CUX2: variants seen among roughly 807,000 people sequenced by gnomAD.
CUX2 encodes the protein homeobox protein cut-like 2.
In CUX2, 40 loss-of-function variants were observed where a neutral mutation model predicts 144.8. The observed-to-expected ratio is 0.28, with a 90% CI of 0.21 to 0.36. The LOEUF is 0.36. CUX2 is among the 10% of genes least tolerant of loss of function. CUX2 has a pLI of 1.00. For synonymous variants in CUX2, 827 were observed against 875.6 expected (o/e 0.94, Z 0.98); for missense variants, 1,615 against 1,994.0 (o/e 0.81, Z 3.62).
intron 1 of CUX2, among the ~76,000 whole-genome samples, chr12:111,120,671 GAAAA>G (rs112911297): frequency 1.6e-5 from 2 of 124,422 alleles, no homozygotes; most frequent in Non-Finnish European, 3.5e-5. Flanking sequence ...TAACCACAAG[GAAAA>G]AAAAAAAAAA....
chr12:111,300,277 C>T (rs961800894), intron 9 of CUX2, among the ~76,000 whole-genome samples: 2 of 152,132 alleles, frequency 1.3e-5, no homozygotes, highest in African/African-American at 4.8e-5. Context: ...CGCACCACCA[C>T]ATCCGGCTAA....
Position 111,322,280 on chromosome 12 carries a change from T to C in CUX2, c.2767-141T>C. 4 of 892,998 alleles carry C rather than the reference T, an allele frequency of 4.5e-6. No individual in the cohort carries two copies. The highest frequency in any genetic ancestry group is 6.5e-6 in the Non-Finnish European group (4 of 618,604). 55.3% of individuals were successfully genotyped at this position (892,998 alleles called of 1,614,324 possible). On this transcript the variant is annotated intron_variant, in intron 17 of 21. Transcript: ENST00000261726. The surrounding 1 kb of genome is among the most constrained non-coding windows in gnomAD (Gnocchi z 4.2). ...TTGCAGTGAGCTGAGATGGTGCCAC[T>C]GCACTCCATCCTGGGCGACAGACAA...
intron 1 of CUX2, among the ~76,000 whole-genome samples, chr12:111,130,141 A>T (rs1008097618): frequency 2.6e-5 from 4 of 152,172 alleles, no homozygotes; most frequent in African/African-American, 9.7e-5. Context: ...AATTAACAGT[A>T]TAAACTTTTG....
chr12:111,096,901 C>G (rs1872848073), intron 1 of CUX2, among the ~76,000 whole-genome samples: 1 of 151,872 alleles, frequency 6.6e-6, no homozygotes, highest in Non-Finnish European at 1.5e-5. Flanking sequence ...TGCTTGAACC[C>G]AGGAGGTGGA....
At chr12:111,084,909 T>A (rs1489252622) in intron 1 of CUX2, among the ~76,000 whole-genome samples, 2 of 152,060 alleles carry the variant, frequency 1.3e-5, no homozygotes, top group African/African-American at 4.8e-5. Context: ...CCCCCTCTTC[T>A]CCCATTCTTC....
intron 4 of CUX2, among the ~76,000 whole-genome samples, chr12:111,276,571 C>CA (rs1456697787): frequency 2.0e-5 from 3 of 152,076 alleles, no homozygotes; most frequent in Non-Finnish European, 1.5e-5. Context: ...GGCTAGGCCT[C>CA]AGTGTTCTCA....
intron 1 of CUX2, among the ~76,000 whole-genome samples, chr12:111,161,726 C>T (rs761064429): frequency 6.6e-6 from 1 of 151,822 alleles, no homozygotes; most frequent in African/African-American, 2.4e-5. Flanking sequence ...TCGCTGGATG[C>T]CATTTCTTTT....
chr12:111,320,262 C>T lies in CUX2; in HGVS notation c.2253C>T (p.Ser751=), dbSNP rs766760299. The T allele has an allele frequency of 1.3e-6, 2 of 1,590,342 alleles. No homozygotes were observed. Among genetic ancestry groups the T allele is most frequent in the Non-Finnish European group, 8.5e-7 (1 of 1,175,804 alleles). The part of the protein sequence containing the change: ...APALVKQEEG[S]GGPAQAPLPV... ...CCTTGGTGAAGCAGGAGGAGGGCAG[C>T]GGGGGCCCCGCGCAGGCGCCGCTCC... is the stretch of plus-strand genomic sequence containing the variant. The change falls in exon 17 of 22, where the codon AGC becomes AGT. Residue 751 remains serine, a synonymous_variant. Transcript: ENST00000261726. This position sits in a 1 kb window ranked among gnomAD's most constrained non-coding sequence, Gnocchi z 8.1.
intron 1 of CUX2, among the ~76,000 whole-genome samples, chr12:111,062,792 C>A (rs1453237460): frequency 1.3e-5 from 2 of 152,158 alleles, no homozygotes; most frequent in Non-Finnish European, 2.9e-5. Context: ...CTGAGTTAGC[C>A]CAGTGAGGAG....
At chr12:111,170,616 C>T (rs1329464119) in intron 1 of CUX2, among the ~76,000 whole-genome samples, 1 of 143,444 alleles carries the variant, frequency 7.0e-6, no homozygotes. Flanking sequence ...TGCAGTGGCA[C>T]GATCTCAGCT....
intron 1 of CUX2, among the ~76,000 whole-genome samples, chr12:111,138,172 T>G (rs1876044096): frequency 6.6e-6 from 1 of 152,182 alleles, no homozygotes; most frequent in South Asian, 2.1e-4. Flanking sequence ...CAGATGCCAG[T>G]CTCGCTCCAC....
At chr12:111,049,371 T>G (rs1870156695) in intron 1 of CUX2, among the ~76,000 whole-genome samples, 1 of 152,150 alleles carries the variant, frequency 6.6e-6, no homozygotes, top group Non-Finnish European at 1.5e-5. Context: ...CATGCATGCA[T>G]CCATCCAACA....
intron 1 of CUX2, among the ~76,000 whole-genome samples, chr12:111,168,770 G>A (rs940557439): frequency 2.0e-5 from 3 of 152,198 alleles, no homozygotes; most frequent in Non-Finnish European, 4.4e-5. Flanking sequence ...AATATGAGTC[G>A]ATGGAAGTAG....
At chr12:111,103,960 T>C (rs1873430850) in intron 1 of CUX2, among the ~76,000 whole-genome samples, 1 of 152,226 alleles carries the variant, frequency 6.6e-6, no homozygotes, top group Admixed American at 6.5e-5. Flanking sequence ...GCAAATGTCC[T>C]GGGATTCCCC....
intron 20 of CUX2, among the ~76,000 whole-genome samples, chr12:111,339,081 A>C (rs1353181558): frequency 6.6e-6 from 1 of 151,904 alleles, no homozygotes; most frequent in African/African-American, 2.4e-5. Context: ...AAAAATAAAA[A>C]ATTAGCTGGG....
At chr12:111,256,397 A>G (rs1883819273) in intron 3 of CUX2, among the ~76,000 whole-genome samples, 2 of 152,004 alleles carry the variant, frequency 1.3e-5, no homozygotes, top group Admixed American at 6.6e-5. Flanking sequence ...GCCCGAGTTC[A>G]TTCTGAGACC....
chr12:111,220,743 C>CAAA lies in CUX2; in HGVS notation c.222+2841_222+2843dup, dbSNP rs549438290. 5.6e-4 allele frequency among the ~76,000 whole-genome samples: 22 copies of CAAA among 39,132 alleles called. 2 individuals carry two copies. The highest frequency in any genetic ancestry group is 4.4e-3 in the East Asian group (3 of 676). The allele number at this position is 39,132 out of a possible 152,430, so 25.7% of individuals were successfully genotyped here. On this transcript the variant is annotated intron_variant, in intron 3 of 21. Coordinates refer to ENST00000261726, the MANE Select transcript of CUX2 (RefSeq NM_015267.4). The stretch of plus-strand genomic sequence containing the variant: ...GCAATATAATGAGACCTCATCTCTG[C>CAAA]AAAAAAAAAAAAAAAAAAAAAAAAA...
intron 4 of CUX2, among the ~76,000 whole-genome samples, chr12:111,284,043 T>C (rs1302852799): frequency 6.6e-6 from 1 of 151,872 alleles, no homozygotes; most frequent in African/African-American, 2.4e-5. Context: ...CTGCCTCCTC[T>C]CTCTCCTTCC....
intron 18 of CUX2, among the ~76,000 whole-genome samples, chr12:111,330,144 C>T (rs1255299092): frequency 6.6e-6 from 1 of 152,184 alleles, no homozygotes; most frequent in Non-Finnish European, 1.5e-5. Flanking sequence ...TCACTTGGGG[C>T]TGGGGGCACA....
Sources: gnomAD v4.1 joint callset for allele counts (sites outside exome capture counted in the v4.1 genomes callset) on GRCh38, gnomAD v4.1.1 for gene constraint, Gnocchi (gnomAD v3.1) non-coding constraint, MANE v1.5 for transcripts, NCBI Gene and HGNC (gene_info 2026-07-23, HGNC 2026-07-21) for gene names.